Variants in PRKN observed in about 807,000 individuals in gnomAD.
PRKN encodes parkin RBR E3 ubiquitin protein ligase.
Under a neutral mutation model 59.5 loss-of-function variants are expected in PRKN, and 56 were observed. The observed-to-expected ratio is 0.94, with a 90% CI of 0.76 to 1.18. The LOEUF is 1.18. PRKN is among the 50% of genes most tolerant of loss of function. PRKN has a pLI of 0.00. For synonymous variants in PRKN, 250 were observed against 222.1 expected (o/e 1.13, Z -1.12); for missense variants, 657 against 596.4 (o/e 1.10, Z -1.06).
At position 161,451,879 on chromosome 6, in the gene PRKN, C is replaced by T. The variant is rs1562458758; in HGVS notation, c.1084-65002G>A. On this transcript the variant is annotated intron_variant, in intron 9 of 11. Coordinates refer to ENST00000366898, the MANE Select transcript of PRKN (RefSeq NM_004562.3). This position sits in a 1 kb window ranked among gnomAD's most constrained non-coding sequence, Gnocchi z 5.9. Reference sequence around the variant, plus strand: ...GTAGAAAAATGGTGTCACCTTTAAACGTTGTAAACTACATTTATAAATTTA... The same window carrying T: ...GTAGAAAAATGGTGTCACCTTTAAATGTTGTAAACTACATTTATAAATTTA... 6.6e-6 allele frequency among the ~76,000 whole-genome samples: 1 copy of T among 152,180 alleles called. No homozygotes were observed. The highest frequency in any genetic ancestry group is 1.5e-5 in the Non-Finnish European group (1 of 68,002).
chr6:161,982,173 G>C (rs1277700320), intron 5 of PRKN, among the ~76,000 whole-genome samples: 1 of 152,134 alleles, frequency 6.6e-6, no homozygotes, highest in East Asian at 1.9e-4. Flanking sequence ...AAGAGCAAAA[G>C]GGAGATTGTT....
intron 9 of PRKN, among the ~76,000 whole-genome samples, chr6:161,479,809 G>A (rs11961684): frequency 0.1 from 15,434 of 152,170 alleles, 1,236 homozygotes; most frequent in African/African-American, 0.23. Flanking sequence ...CCCCCTCCCT[G>A]TATTGTGACA....
intron 2 of PRKN, among the ~76,000 whole-genome samples, chr6:162,345,883 G>C (rs1028050506): frequency 1.3e-5 from 2 of 152,056 alleles, no homozygotes; most frequent in Non-Finnish European, 2.9e-5. Flanking sequence ...CCCCAAATTC[G>C]TATGTTGATG....
intron 3 of PRKN, among the ~76,000 whole-genome samples, chr6:162,205,728 A>G (rs1204634532): frequency 6.6e-6 from 1 of 151,236 alleles, no homozygotes; most frequent in African/African-American, 2.4e-5. Flanking sequence ...ACTATCTCAT[A>G]TTAATATATA....
chr6:161,793,061 G>A (rs1307853094), intron 6 of PRKN, among the ~76,000 whole-genome samples: 1 of 152,172 alleles, frequency 6.6e-6, no homozygotes, highest in South Asian at 2.1e-4. Context: ...TTCAGCCCAC[G>A]TGGGTCGTAT....
rs1020594973 is a variant in PRKN at position 161,360,682 on chromosome 6, T to A, written c.1168-477A>T. Among the ~76,000 whole-genome samples, 1 of 152,064 alleles carries A rather than the reference T, an allele frequency of 6.6e-6. No homozygotes were observed. Among genetic ancestry groups the A allele is most frequent in the Non-Finnish European group, 1.5e-5 (1 of 68,028 alleles). ...CTTTGCTTTTAAACTTTGCTCTACA[T>A]CTTGTTATCCTTCCTTGCACCTGGC... On this transcript the variant is annotated intron_variant, in intron 10 of 11. Coordinates refer to ENST00000366898, the MANE Select transcript of PRKN (RefSeq NM_004562.3). The surrounding 1 kb of genome is among the most constrained non-coding windows in gnomAD (Gnocchi z 5.1).
At chr6:162,636,335 T>C (rs1411761393) in intron 1 of PRKN, among the ~76,000 whole-genome samples, 1 of 152,096 alleles carries the variant, frequency 6.6e-6, no homozygotes, top group East Asian at 1.9e-4. Flanking sequence ...TGGCTAAAAA[T>C]AGCTTTGAAA....
At chr6:162,099,740 T>G (rs1008706342) in intron 4 of PRKN, among the ~76,000 whole-genome samples, 12 of 152,244 alleles carry the variant, frequency 7.9e-5, no homozygotes, top group Admixed American at 2.0e-4. Context: ...AGACAATATG[T>G]GCATTACCTC....
intron 10 of PRKN, among the ~76,000 whole-genome samples, chr6:161,382,726 T>C (rs973295965): frequency 6.6e-6 from 1 of 152,250 alleles, no homozygotes; most frequent in Non-Finnish European, 1.5e-5. Flanking sequence ...AGTTTCAACG[T>C]AAAGCTTGTT....
At chr6:162,376,326 G>A (rs975752476) in intron 2 of PRKN, among the ~76,000 whole-genome samples, 2 of 152,088 alleles carry the variant, frequency 1.3e-5, no homozygotes, top group South Asian at 4.1e-4. Flanking sequence ...GAAGAAAAAA[G>A]AACACTAGAG....
intron 2 of PRKN, among the ~76,000 whole-genome samples, chr6:162,314,904 CAAGG>C (rs920853934): frequency 3.3e-5 from 5 of 152,086 alleles, no homozygotes; most frequent in African/African-American, 9.7e-5. Flanking sequence ...GAACTACTGC[CAAGG>C]AAGGTCCCCA....
chr6:162,194,557 G>A (rs923192875), intron 4 of PRKN, among the ~76,000 whole-genome samples: 1 of 152,006 alleles, frequency 6.6e-6, no homozygotes, highest in Non-Finnish European at 1.5e-5. Flanking sequence ...AAATGGTTTC[G>A]ATCAACCGTC....
rs559523746 is a variant in PRKN, at chr6:162,212,432, G to A, written c.413-11180C>T. 2.2e-3 allele frequency among the ~76,000 whole-genome samples: 338 copies of A among 150,410 alleles called. 2 individuals carry two copies. In the Middle Eastern group the frequency reaches 0.024, roughly 11 times the overall value. ...GAAATTGGTGAGATTAAGAAAGCTC[G>A]CTTAAACTCAACATTTTAAAAACAC... On this transcript the variant is annotated intron_variant, in intron 3 of 11. Coordinates refer to ENST00000366898, the MANE Select transcript of PRKN (RefSeq NM_004562.3).
rs549687092 is a variant in PRKN, at chr6:162,036,051, G to A, written c.618+18040C>T. On this transcript the variant is annotated intron_variant, in intron 5 of 11. Transcript: ENST00000366898. Reference sequence around the variant, plus strand: ...CATAAAGAAAACAATACGGCCGGGCGCGGTGGCTCACGCCTGTAATCCCAG... The same window carrying A: ...CATAAAGAAAACAATACGGCCGGGCACGGTGGCTCACGCCTGTAATCCCAG... 9.9e-4 allele frequency among the ~76,000 whole-genome samples: 150 copies of A among 152,246 alleles called. 1 individual carries two copies. The highest frequency in any genetic ancestry group is 3.4e-3 in the Middle Eastern group (1 of 294).
At chr6:162,450,187 G>A (rs1455626952) in intron 1 of PRKN, among the ~76,000 whole-genome samples, 1 of 151,972 alleles carries the variant, frequency 6.6e-6, no homozygotes, top group East Asian at 1.9e-4. Context: ...AAGTTGCTCA[G>A]CTAAAGGAAG....
chr6:161,358,452 TA>T (rs752601492), intron 11 of PRKN, among the ~76,000 whole-genome samples: 40 of 152,056 alleles, frequency 2.6e-4, no homozygotes, highest in Non-Finnish European at 5.0e-4. Flanking sequence ...CCGTCTCTAC[TA>T]AAAAATATAA....
intron 1 of PRKN, among the ~76,000 whole-genome samples, chr6:162,549,779 C>T (rs1779261001): frequency 1.3e-5 from 2 of 151,904 alleles, no homozygotes; most frequent in Admixed American, 1.3e-4. Flanking sequence ...GCTGGGACTA[C>T]AGGCATATGA....
chr6:161,566,057 T>C lies in PRKN; in HGVS notation c.933+3298A>G, dbSNP rs1343555465. 6.6e-6 allele frequency among the ~76,000 whole-genome samples: 1 copy of C among 152,236 alleles called. No individual in the cohort carries two copies. The highest frequency in any genetic ancestry group is 1.5e-5 in the Non-Finnish European group (1 of 68,046). On this transcript the variant is annotated intron_variant, in intron 8 of 11. Coordinates refer to ENST00000366898, the MANE Select transcript of PRKN (RefSeq NM_004562.3). This position sits in a 1 kb window ranked among gnomAD's most constrained non-coding sequence, Gnocchi z 4.1. ...CATTACCATCAGTACATAGACATGCTGCAATTTTTCCCATTAAGAAGGTCA... is the reference window on the plus strand; with the variant it reads ...CATTACCATCAGTACATAGACATGCCGCAATTTTTCCCATTAAGAAGGTCA...
intron 6 of PRKN, among the ~76,000 whole-genome samples, chr6:161,855,501 A>T (rs1793614569): frequency 6.6e-6 from 1 of 152,202 alleles, no homozygotes; most frequent in East Asian, 1.9e-4. Flanking sequence ...CATTCATCTG[A>T]TGAGATCACA....
Sources: gnomAD v4.1 joint callset for allele counts (sites outside exome capture counted in the v4.1 genomes callset) on GRCh38, gnomAD v4.1.1 for gene constraint, Gnocchi (gnomAD v3.1) non-coding constraint, MANE v1.5 for transcripts, NCBI Gene and HGNC (gene_info 2026-07-23, HGNC 2026-07-21) for gene names.